Variants in CEP162 observed in about 807,000 individuals in gnomAD.
The protein encoded by CEP162 is centrosomal protein of 162 kDa.
CEP162 carries 141 observed loss-of-function variants against 169.2 expected under a neutral mutation model. The observed-to-expected ratio is 0.83, with a 90% CI of 0.73 to 0.96. The LOEUF is 0.96. Ranked by LOEUF, CEP162 falls within the 40% of genes least tolerant of loss-of-function variation. CEP162 has a pLI of 0.00. For missense variants in CEP162, 1,600 were observed against 1,587.2 expected (o/e 1.01, Z -0.14); for synonymous variants, 540 against 526.4 (o/e 1.03, Z -0.35).
chr6:84,170,112 G>A (rs1329386465), intron 17 of CEP162, among the ~76,000 whole-genome samples: 1 of 152,000 alleles, frequency 6.6e-6, no homozygotes, highest in African/African-American at 2.4e-5. Flanking sequence ...GGTGGCTCAC[G>A]CCTGTAATCC....
chr6:84,155,317 T>C lies in CEP162; in HGVS notation c.2975A>G (p.Gln992Arg), dbSNP rs1475063341. 6.2e-7 allele frequency: 1 copy of C among 1,613,420 alleles called. No homozygotes were observed. The highest frequency in any genetic ancestry group is 2.2e-5 in the East Asian group (1 of 44,836). Residue 992 changes from glutamine to arginine, a missense_variant, in exon 22 of 27, where the codon CAA becomes CGA. Transcript: ENST00000403245. ...ACTTACCTTCATTTTCTGAAACTGTTGTTCCATGGTACGAAGGCTTTTCTT... is the reference window on the plus strand; with the variant it reads ...ACTTACCTTCATTTTCTGAAACTGTCGTTCCATGGTACGAAGGCTTTTCTT... Reference protein sequence around the residue: ...DAKKSLRTMEQQFQKMKIQYE... With the variant: ...DAKKSLRTMERQFQKMKIQYE...
chr6:84,154,047 G>A (rs1352405366), intron 22 of CEP162, among the ~76,000 whole-genome samples: 1 of 152,112 alleles, frequency 6.6e-6, no homozygotes, highest in East Asian at 1.9e-4. Context: ...TTTGGAAGTA[G>A]GAAGAGCATA....
intron 25 of CEP162, among the ~76,000 whole-genome samples, chr6:84,140,157 A>G (rs2099515958): frequency 6.6e-6 from 1 of 152,160 alleles, no homozygotes; most frequent in Non-Finnish European, 1.5e-5. Context: ...GTGGGAACCC[A>G]AGACACAAGT....
chr6:84,192,448 T>C (rs530427239), intron 11 of CEP162, among the ~76,000 whole-genome samples: 14 of 152,184 alleles, frequency 9.2e-5, no homozygotes, highest in African/African-American at 3.4e-4. Flanking sequence ...TGGTACCATC[T>C]CTCCTTTAAA....
intron 5 of CEP162, among the ~76,000 whole-genome samples, chr6:84,214,661 T>C (rs1328098623): frequency 1.3e-5 from 2 of 152,192 alleles, no homozygotes; most frequent in East Asian, 3.8e-4. Flanking sequence ...AATTATACCT[T>C]TGTGATCTCA....
intron 2 of CEP162, among the ~76,000 whole-genome samples, chr6:84,222,767 C>T (rs556739613): frequency 6.0e-5 from 9 of 149,756 alleles, no homozygotes; most frequent in Admixed American, 3.9e-4. Flanking sequence ...GGCGCACACG[C>T]GCGTGCACAC....
chr6:84,200,890 G>C lies in CEP162; in HGVS notation c.734C>G (p.Ser245Ter). ...GMLANVVLLD[S>*]LDSVAEVNLD... ...ATTGACCTCTGCAACAGAGTCTAAT[G>C]AATCAAGCAGCACAACTGGAAGAAT... is the stretch of plus-strand genomic sequence containing the variant. The change falls in exon 9 of 27, where the codon TCA becomes TGA. Residue 245 changes from serine (S) to a stop codon, truncating the protein, a stop_gained. Transcript: ENST00000403245. LOFTEE classifies it high-confidence loss of function. The C allele has an allele frequency of 6.3e-7, 1 of 1,599,578 alleles. No individual in the cohort carries two copies. Among genetic ancestry groups the C allele is most frequent in the Non-Finnish European group, 8.6e-7 (1 of 1,167,812 alleles).
At chr6:84,160,249 C>T (rs1329534475) in intron 21 of CEP162, among the ~76,000 whole-genome samples, 1 of 152,078 alleles carries the variant, frequency 6.6e-6, no homozygotes, top group African/African-American at 2.4e-5. Context: ...CTTCCTAAAA[C>T]AAATACTTAA....
At chr6:84,188,103 CAAA>C (rs200434055) in intron 11 of CEP162, among the ~76,000 whole-genome samples, 8 of 80,560 alleles carry the variant, frequency 9.9e-5, no homozygotes, top group Non-Finnish European at 1.1e-4. Flanking sequence ...GACTCCGTCT[CAAA>C]AAAAAAAAAA....
chr6:84,151,517 G>A (rs946065653), intron 23 of CEP162, among the ~76,000 whole-genome samples: 1 of 152,116 alleles, frequency 6.6e-6, no homozygotes, highest in African/African-American at 2.4e-5. Flanking sequence ...CCAATAAATA[G>A]TTCTAGGTTT....
chr6:84,155,478 T>C lies in CEP162; in HGVS notation c.2814A>G (p.Arg938=), dbSNP rs751966953. 23 of 1,612,018 alleles carry C rather than the reference T, an allele frequency of 1.4e-5. No homozygotes were observed. Among genetic ancestry groups the C allele is most frequent in the Non-Finnish European group, 2.0e-5 (23 of 1,178,570 alleles). The change falls in exon 22 of 27, where the codon AGA becomes AGG. Residue 938 remains arginine, a synonymous_variant. Transcript: ENST00000403245. ...TTAAAGCAGGTAAAGAATTGGGATA[T>C]CTTCTCTTCAGAATCCCTTCCATTT... is the stretch of plus-strand genomic sequence containing the variant. The part of the protein sequence containing the change: ...VKEMEGILKR[R]YPNSLPALIL...
intron 25 of CEP162, among the ~76,000 whole-genome samples, chr6:84,143,917 T>C (rs757044793): frequency 6.6e-6 from 1 of 152,006 alleles, no homozygotes; most frequent in Non-Finnish European, 1.5e-5. Context: ...TCTCTATCAG[T>C]TCTTTGATTA....
At chr6:84,156,561 T>C (rs1003036069) in intron 21 of CEP162, among the ~76,000 whole-genome samples, 2 of 152,072 alleles carry the variant, frequency 1.3e-5, no homozygotes, top group Non-Finnish European at 2.9e-5. Context: ...AGAAAGTTAA[T>C]AAACAGCAGA....
At chr6:84,129,902 TGAATA>T (rs1358369321) in intron 25 of CEP162, among the ~76,000 whole-genome samples, 1 of 152,162 alleles carries the variant, frequency 6.6e-6, no homozygotes. Context: ...TAAGTTGAAT[TGAATA>T]GGAGTGGTGA....
chr6:84,125,170 GTGCGGAACTTCTC>G lies in CEP162; in HGVS notation c.4099_4111del (p.Glu1367GlnfsTer3). On this transcript the variant is annotated frameshift_variant, in exon 27 of 27. Transcript: ENST00000403245. LOFTEE classifies it high-confidence loss of function. ...AACATCTAATATTGAGTCTAGTTCT[GTGCGGAACTTCTC>G]CAGCTCACGATTCTTTAACTGTGCC... The G allele has an allele frequency of 6.2e-7, 1 of 1,613,578 alleles. No homozygotes were observed. The highest frequency in any genetic ancestry group is 2.2e-5 in the East Asian group (1 of 44,870).
intron 9 of CEP162, among the ~76,000 whole-genome samples, chr6:84,199,089 A>C (rs539188533): frequency 6.6e-6 from 1 of 152,338 alleles, no homozygotes; most frequent in African/African-American, 2.4e-5. Context: ...TGTTAATCAG[A>C]AAAGTTGTAG....
At chr6:84,198,339 A>G (rs193045798) in intron 9 of CEP162, among the ~76,000 whole-genome samples, 25 of 152,130 alleles carry the variant, frequency 1.6e-4, no homozygotes, top group African/African-American at 4.6e-4. Flanking sequence ...GTGCAGTGGC[A>G]TGAACTTGGC....
At chr6:84,186,756 A>C (rs2099537356) in intron 11 of CEP162, 133 bp from the exon 12 acceptor site, 1 of 704,948 alleles carries the variant, frequency 1.4e-6, no homozygotes, top group Non-Finnish European at 2.3e-6. Flanking sequence ...TAAGTTAATG[A>C]TGTTAAATAC....
intron 23 of CEP162, among the ~76,000 whole-genome samples, chr6:84,150,880 C>T (rs1165529508): frequency 1.3e-5 from 2 of 152,126 alleles, no homozygotes; most frequent in African/African-American, 4.8e-5. Context: ...GTTTCCCATG[C>T]TCATTCTCCT....
Sources: gnomAD v4.1 joint callset for allele counts (sites outside exome capture counted in the v4.1 genomes callset) on GRCh38, gnomAD v4.1.1 for gene constraint, MANE v1.5 for transcripts, NCBI Gene and HGNC (gene_info 2026-07-23, HGNC 2026-07-21) for gene names.